Variants in FAM151B observed in about 807,000 individuals in gnomAD.
FAM151B encodes the protein protein FAM151B.
Under a neutral mutation model 31.2 loss-of-function variants are expected in FAM151B, and 24 were observed. That is an observed-to-expected ratio of 0.77 (90% CI 0.56 to 1.08). The LOEUF is 1.08. Ranked by LOEUF, FAM151B falls within the 50% of genes least tolerant of loss-of-function variation. FAM151B has a pLI of 0.00. For synonymous variants in FAM151B, 105 were observed against 111.4 expected (o/e 0.94, Z 0.36); for missense variants, 293 against 328.6 (o/e 0.89, Z 0.84).
At chr5:80,534,301 T>TA (rs541815094) in intron 5 of FAM151B, among the ~76,000 whole-genome samples, 148 of 146,132 alleles carry the variant, frequency 1.0e-3, no homozygotes, top group South Asian at 4.1e-3. Flanking sequence ...AAAGACACAT[T>TA]AAAAAAAAAA....
chr5:80,533,774 G>C (rs1270411318), intron 5 of FAM151B, among the ~76,000 whole-genome samples: 2 of 133,204 alleles, frequency 1.5e-5, no homozygotes, highest in African/African-American at 2.7e-5. Flanking sequence ...AAAAAGAGCA[G>C]AAATAAATGA....
At chr5:80,502,931 CA>C (rs1284967593) in intron 2 of FAM151B, among the ~76,000 whole-genome samples, 1 of 152,080 alleles carries the variant, frequency 6.6e-6, no homozygotes, top group Non-Finnish European at 1.5e-5. Context: ...TGAATTTTAG[CA>C]AAATTGATGC....
chr5:80,490,751 C>T lies in FAM151B; in HGVS notation c.25+2603C>T, dbSNP rs749787386. ...TTGTAGCATGTTTCAATACTTCATT[C>T]CTTTTTATGGCCAAAAAAGGAATTG... On this transcript the variant is annotated intron_variant, in intron 1 of 5. Transcript: ENST00000282226. Among the ~76,000 whole-genome samples the T allele has an allele frequency of 5.3e-5, 8 of 152,188 alleles. No individual in the cohort carries two copies. In the East Asian group the frequency reaches 7.7e-4, roughly 15 times the overall value.
At chr5:80,494,509 T>C (rs1186682161) in intron 1 of FAM151B, among the ~76,000 whole-genome samples, 1 of 149,714 alleles carries the variant, frequency 6.7e-6, no homozygotes, top group Non-Finnish European at 1.5e-5. Context: ...TCTTTCTTTC[T>C]TTCTTTCTTT....
intron 1 of FAM151B, among the ~76,000 whole-genome samples, chr5:80,493,741 G>A (rs551274983): frequency 3.0e-4 from 45 of 152,262 alleles, no homozygotes; most frequent in Admixed American, 4.6e-4. Flanking sequence ...AGTCAGACCG[G>A]TTCTCTGCTC....
intron 1 of FAM151B, among the ~76,000 whole-genome samples, chr5:80,497,896 AC>A (rs999986008): frequency 2.0e-5 from 3 of 152,174 alleles, no homozygotes; most frequent in African/African-American, 7.2e-5. Flanking sequence ...TACATATGTA[AC>A]AAACCTGCAC....
In FAM151B at chr5:80,541,691, G is replaced by T; in HGVS notation, c.690G>T (p.Trp230Cys). 2 of 1,613,406 alleles carry T rather than the reference G, an allele frequency of 1.2e-6. No homozygotes were observed. The highest frequency in any genetic ancestry group is 1.7e-6 in the Non-Finnish European group (2 of 1,179,712). ...KKSNRYSLTI[W>C]TGKNDNYSVE... ...AATGCAGGTACAGCCTGACTATTTG[G>T]ACTGGAAAAAATGATAACTATTCCG... The change falls in exon 6 of 6, where the codon TGG (tryptophan) becomes TGT (cysteine). Residue 230 changes from tryptophan (W) to cysteine (C), a missense_variant. Physicochemically the swap from Trp to Cys is radical, Grantham distance 215 (BLOSUM62 -2). Transcript: ENST00000282226.
intron 1 of FAM151B, among the ~76,000 whole-genome samples, chr5:80,490,618 T>C (rs147748190): frequency 3.2e-4 from 49 of 152,358 alleles, no homozygotes; most frequent in African/African-American, 1.1e-3. Context: ...TTTCTGTCTC[T>C]ATGAATTTGC....
chr5:80,522,973 T>C (rs549136152), intron 5 of FAM151B, among the ~76,000 whole-genome samples: 1 of 152,262 alleles, frequency 6.6e-6, no homozygotes, highest in Non-Finnish European at 1.5e-5. Context: ...AAGCTGACTT[T>C]TCAGATCTTT....
At chr5:80,517,369 A>T (rs1392365344) in intron 3 of FAM151B, among the ~76,000 whole-genome samples, 1 of 152,190 alleles carries the variant, frequency 6.6e-6, no homozygotes, top group Non-Finnish European at 1.5e-5. Flanking sequence ...TTCCCTGCAG[A>T]TAAGGTGGAC....
chr5:80,508,146 A>T (rs1245895465), intron 2 of FAM151B, among the ~76,000 whole-genome samples: 1 of 152,114 alleles, frequency 6.6e-6, no homozygotes, highest in African/African-American at 2.4e-5. Context: ...TTGTATGTAG[A>T]TATACCACAT....
chr5:80,540,301 G>C (rs1168059376), intron 5 of FAM151B, among the ~76,000 whole-genome samples: 2 of 152,332 alleles, frequency 1.3e-5, no homozygotes, highest in South Asian at 2.1e-4. Flanking sequence ...TGGTAGAGCA[G>C]TGACACCAAG....
At chr5:80,498,178 T>C (rs1173458465) in intron 1 of FAM151B, among the ~76,000 whole-genome samples, 1 of 152,200 alleles carries the variant, frequency 6.6e-6, no homozygotes, top group Non-Finnish European at 1.5e-5. Flanking sequence ...CCTTCTAAAA[T>C]GGCTACCTTA....
At chr5:80,500,743 T>C (rs1321913427) in intron 1 of FAM151B, 31 of 966,158 alleles carry the variant, frequency 3.2e-5, no homozygotes, top group Non-Finnish European at 5.0e-5. Context: ...TGTAGAGCCA[T>C]ATATAGCATG....
At chr5:80,527,270 A>G (rs1167022317) in intron 5 of FAM151B, among the ~76,000 whole-genome samples, 1 of 152,090 alleles carries the variant, frequency 6.6e-6, no homozygotes, top group Non-Finnish European at 1.5e-5. Context: ...TAAAAATACA[A>G]AAATTAGCTG....
chr5:80,500,419 C>T, intron 1 of FAM151B: 1 of 1,219,022 alleles, frequency 8.2e-7, no homozygotes, highest in Non-Finnish European at 1.2e-6. Context: ...AGCTGAAGAT[C>T]AAGTGCCTGA....
At chr5:80,524,500 C>T (rs1744866530) in intron 5 of FAM151B, among the ~76,000 whole-genome samples, 1 of 152,004 alleles carries the variant, frequency 6.6e-6, no homozygotes, top group African/African-American at 2.4e-5. Flanking sequence ...TCTCATTTTA[C>T]TGGTTTTGAG....
At chr5:80,538,468 T>TTCTCTCTCTCTCTCTCTC (rs1405856387) in intron 5 of FAM151B, among the ~76,000 whole-genome samples, 1 of 115,326 alleles carries the variant, frequency 8.7e-6, no homozygotes, top group East Asian at 2.5e-4. Context: ...CTTTCTTTCT[T>TTCTCTCTCTCTCTCTCTC]TCTTTCTTTC....
chr5:80,519,495 A>G (rs1744605412), intron 3 of FAM151B, among the ~76,000 whole-genome samples, 198 bp from the exon 4 acceptor site: 1 of 152,236 alleles, frequency 6.6e-6, no homozygotes, highest in Non-Finnish European at 1.5e-5. Flanking sequence ...TTCATGAATA[A>G]TAAGCACAGT....
Sources: gnomAD v4.1 joint callset for allele counts (sites outside exome capture counted in the v4.1 genomes callset) on GRCh38, gnomAD v4.1.1 for gene constraint, MANE v1.5 for transcripts, NCBI Gene and HGNC (gene_info 2026-07-23, HGNC 2026-07-21) for gene names.